Variants in FKBP5 observed in about 807,000 individuals in gnomAD.
FKBP5 encodes the protein FKBP prolyl isomerase 5, also known as peptidyl-prolyl cis-trans isomerase FKBP5.
Under a neutral mutation model 50.5 loss-of-function variants are expected in FKBP5, and 23 were observed. The observed-to-expected ratio is 0.46, with a 90% CI of 0.33 to 0.65. The LOEUF (loss-of-function observed/expected upper bound fraction) is 0.65, where lower values mean the gene tolerates loss of function less well. Among genes scored for constraint, FKBP5 ranks in the 30% least tolerant of loss-of-function variants. FKBP5 has a pLI of 0.02. For synonymous variants in FKBP5, 176 were observed against 190.6 expected (o/e 0.92, Z 0.63); for missense variants, 411 against 553.1 (o/e 0.74, Z 2.58).
intron 2 of FKBP5, among the ~76,000 whole-genome samples, chr6:35,705,237 T>TGTACAA (rs1766276934): frequency 6.0e-4 from 2 of 3,342 alleles, no homozygotes; most frequent in African/African-American, 3.8e-3. Context: ...TATATATATA[T>TGTACAA]ATATATATAT....
chr6:35,695,804 AAG>A (rs1306990170), intron 2 of FKBP5, among the ~76,000 whole-genome samples: 1 of 152,242 alleles, frequency 6.6e-6, no homozygotes, highest in Non-Finnish European at 1.5e-5. Context: ...CATTTAATGA[AAG>A]AAGTGTAAAC....
intron 1 of FKBP5, among the ~76,000 whole-genome samples, chr6:35,665,444 C>T (rs1765189145): frequency 6.6e-6 from 1 of 152,170 alleles, no homozygotes; most frequent in African/African-American, 2.4e-5. Context: ...CGTGCCACCA[C>T]ACCCAGCTAA....
At chr6:35,688,501 G>A (rs1000970971) in intron 1 of FKBP5, among the ~76,000 whole-genome samples, 1 of 151,682 alleles carries the variant, frequency 6.6e-6, no homozygotes, top group Non-Finnish European at 1.5e-5. Context: ...TGCCGGGAGA[G>A]GCCGGCGGGG....
intron 2 of FKBP5, 21 bp from the exon 3 acceptor site, chr6:35,637,179 G>A (rs1177843808): frequency 6.3e-7 from 1 of 1,596,100 alleles, no homozygotes; most frequent in Non-Finnish European, 8.5e-7. Context: ...CAAACATTAA[G>A]AAAAAGGAGG....
intron 8 of FKBP5, chr6:35,585,308 T>G (rs1762565925): frequency 1.4e-5 from 14 of 980,252 alleles, no homozygotes; most frequent in Non-Finnish European, 1.7e-5. Flanking sequence ...TATTATGTAT[T>G]TGGATATACA....
intron 1 of FKBP5, among the ~76,000 whole-genome samples, chr6:35,668,357 A>G (rs901635185): frequency 6.6e-6 from 1 of 152,216 alleles, no homozygotes; most frequent in Non-Finnish European, 1.5e-5. Flanking sequence ...AGTGCTTTCT[A>G]TCCCTTTGGC....
At chr6:35,727,537 G>T (rs1325751738) in intron 1 of FKBP5, among the ~76,000 whole-genome samples, 2 of 152,198 alleles carry the variant, frequency 1.3e-5, no homozygotes, top group Non-Finnish European at 2.9e-5. Context: ...GGCTGGGCTT[G>T]GTTTGCCAGC....
chr6:35,575,466 G>C lies in FKBP5; in HGVS notation c.*369C>G, dbSNP rs1375088090. 1.0e-5 allele frequency: 2 copies of C among 192,186 alleles called. No individual in the cohort carries two copies. The highest frequency in any genetic ancestry group is 2.7e-4 in the South Asian group (2 of 7,384). 11.9% of individuals were successfully genotyped at this position (192,186 alleles called of 1,614,324 possible). ...CATTTTTTTTTTAAAGGTTTCTGCAGTGCTATGAAAGTTCAAAGGTAAAAC... is the reference window on the plus strand; with the variant it reads ...CATTTTTTTTTTAAAGGTTTCTGCACTGCTATGAAAGTTCAAAGGTAAAAC... On this transcript the variant is annotated 3_prime_UTR_variant, in exon 11 of 11. Coordinates refer to ENST00000357266, the MANE Select transcript of FKBP5 (RefSeq NM_004117.4).
chr6:35,649,249 TAA>T (rs71002582), intron 1 of FKBP5, among the ~76,000 whole-genome samples: 12 of 102,208 alleles, frequency 1.2e-4, no homozygotes, highest in African/African-American at 2.4e-4. Context: ...AGACTCTGTC[TAA>T]AAAAAAAAAA....
chr6:35,698,796 G>C (rs970394665), intron 2 of FKBP5, among the ~76,000 whole-genome samples: 9 of 152,202 alleles, frequency 5.9e-5, no homozygotes, highest in African/African-American at 1.7e-4. Context: ...AGGAGCAAGA[G>C]AGAGAGTGAG....
At chr6:35,624,438 G>T (rs1177706586) in intron 3 of FKBP5, among the ~76,000 whole-genome samples, 1 of 151,956 alleles carries the variant, frequency 6.6e-6, no homozygotes, top group African/African-American at 2.4e-5. Context: ...GGAGCTGGAG[G>T]TTGCAGTGAG....
intron 1 of FKBP5, among the ~76,000 whole-genome samples, chr6:35,663,915 T>G (rs1765144136): frequency 6.6e-6 from 1 of 152,180 alleles, no homozygotes; most frequent in Admixed American, 6.5e-5. Context: ...CGTGTGACAT[T>G]GAGATTGTTA....
At chr6:35,708,027 G>T (rs764370499) in intron 2 of FKBP5, among the ~76,000 whole-genome samples, 8 of 152,106 alleles carry the variant, frequency 5.3e-5, no homozygotes, top group Non-Finnish European at 1.2e-4. Context: ...AAATATTATT[G>T]GTAAGAGCAA....
chr6:35,597,462 G>T (rs1763012253), intron 5 of FKBP5, 58 bp from the exon 6 acceptor site: 2 of 1,548,322 alleles, frequency 1.3e-6, no homozygotes, highest in South Asian at 1.2e-5. Context: ...GGCTAATTCA[G>T]TGAAGTGATA....
chr6:35,585,775 T>C (rs1054000240), intron 8 of FKBP5: 13 of 985,210 alleles, frequency 1.3e-5, no homozygotes, highest in Non-Finnish European at 1.6e-5. Context: ...CTGATCCTTA[T>C]AACATATTGC....
At chr6:35,683,115 CGT>C (rs1765720449) in intron 1 of FKBP5, among the ~76,000 whole-genome samples, 4 of 56,196 alleles carry the variant, frequency 7.1e-5, no homozygotes, top group East Asian at 4.9e-4. Flanking sequence ...TATATATATA[CGT>C]ATATGTGTGT....
chr6:35,642,696 T>TG, intron 2 of FKBP5, 24 bp downstream of exon 2: 4 of 1,577,174 alleles, frequency 2.5e-6, no homozygotes, highest in Non-Finnish European at 3.5e-6. Flanking sequence ...TTTCCTTGTA[T>TG]GTCACTCAGC....
chr6:35,592,601 G>C (rs1443488313), intron 6 of FKBP5, among the ~76,000 whole-genome samples: 1 of 152,228 alleles, frequency 6.6e-6, no homozygotes, highest in Non-Finnish European at 1.5e-5. Context: ...CAGGTAGGTA[G>C]GTGAGTCCTT....
chr6:35,586,540 G>C, intron 8 of FKBP5: 1 of 985,580 alleles, frequency 1.0e-6, no homozygotes, highest in African/African-American at 1.7e-5. Context: ...GCTGAGGTGG[G>C]AGGATTGCTT....
Sources: allele counts gnomAD v4.1 joint callset (sites outside exome capture counted in the v4.1 genomes callset), GRCh38; gene constraint gnomAD v4.1.1; transcripts MANE v1.5; gene names NCBI Gene and HGNC (gene_info 2026-07-23, HGNC 2026-07-21).